Variants in PEX26 observed in about 807,000 individuals in gnomAD.
The protein encoded by PEX26 is peroxisome assembly protein 26.
In PEX26, 18 loss-of-function variants were observed where a neutral mutation model predicts 31.4. The observed-to-expected ratio is 0.57, with a 90% CI of 0.40 to 0.85. PEX26 has a LOEUF of 0.85. Ranked by LOEUF, PEX26 falls within the 40% of genes least tolerant of loss-of-function variation. The probability of loss-of-function intolerance (pLI) is 0.00; values close to 1 mark genes in which losing one functional copy is unlikely to be tolerated. For synonymous variants in PEX26, 176 were observed against 166.9 expected (o/e 1.05, Z -0.42); for missense variants, 377 against 383.9 (o/e 0.98, Z 0.15).
intron 3 of PEX26, among the ~76,000 whole-genome samples, chr22:18,084,569 AC>A (rs1191394906): frequency 6.6e-6 from 1 of 151,908 alleles, no homozygotes; most frequent in Non-Finnish European, 1.5e-5. Flanking sequence ...GTTTTAAAAA[AC>A]TTTTACAAAG....
chr22:18,078,939 C>G, intron 1 of PEX26: 1 of 453,762 alleles, frequency 2.2e-6, no homozygotes, highest in Non-Finnish European at 4.2e-6. Context: ...CTCCGCCCTC[C>G]CCGCCCCGCC....
At position 18,078,338 on chromosome 22, in the gene PEX26, C is replaced by G; in HGVS notation, c.-39C>G. On this transcript the variant is annotated 5_prime_UTR_variant, in exon 1 of 5. Transcript: ENST00000399744. ...CGGAGCCTCTGGGGAGGCGGTCACT[C>G]CGACGTCTGAGGACCTGGGCCTTGG... 1 of 1,473,960 alleles carries G rather than the reference C, an allele frequency of 6.8e-7. No individual in the cohort carries two copies. The highest frequency in any genetic ancestry group is 1.4e-5 in the African/African-American group (1 of 72,440). 91.3% of individuals were successfully genotyped at this position (1,473,960 alleles called of 1,614,324 possible).
Position 18,083,146 on chromosome 22 carries a change from G to A in PEX26, c.372-291G>A, listed in dbSNP as rs117458300. Among the ~76,000 whole-genome samples the A allele has an allele frequency of 2.5e-4, 38 of 152,196 alleles. No homozygotes were observed. In the East Asian group the frequency reaches 6.2e-3, roughly 25 times the overall value. ...TACCTTTTATTTCTTTCTGTTGCCC[G>A]ATTGCTCTGGCTATGACCTCCAGTA... On this transcript the variant is annotated intron_variant, in intron 2 of 4. Transcript: ENST00000399744.
intron 4 of PEX26, among the ~76,000 whole-genome samples, chr22:18,086,143 C>T (rs941217656): frequency 1.3e-5 from 2 of 150,902 alleles, no homozygotes; most frequent in Non-Finnish European, 3.0e-5. Flanking sequence ...ACTAAAAATA[C>T]AAAAATTAGC....
chr22:18,078,411 T>A lies in PEX26; in HGVS notation c.35T>A (p.Leu12His), dbSNP rs1476091565. The stretch of plus-strand genomic sequence containing the variant: ...GATTCTTCGACCTCTGCAGCCCCCC[T>A]CAGGGGGCTCGGGGGACCCCTGCGC... Reference protein sequence around the residue: ...KSDSSTSAAPLRGLGGPLRSS... With the variant: ...KSDSSTSAAPHRGLGGPLRSS... Residue 12 changes from leucine (L) to histidine (H), a missense_variant, in exon 1 of 5, where the codon CTC becomes CAC. Transcript: ENST00000399744. The A allele has an allele frequency of 1.7e-5, 27 of 1,594,310 alleles. No homozygotes were observed. The highest frequency in any genetic ancestry group is 2.3e-5 in the Non-Finnish European group (27 of 1,173,124).
At chr22:18,081,060 C>T (rs1467306349) in intron 2 of PEX26, among the ~76,000 whole-genome samples, 4 of 150,734 alleles carry the variant, frequency 2.7e-5, no homozygotes, top group Non-Finnish European at 5.9e-5. Flanking sequence ...CTGTGCCTGG[C>T]TTATTTCACT....
At chr22:18,082,784 C>T (rs527627197) in intron 2 of PEX26, among the ~76,000 whole-genome samples, 9 of 152,144 alleles carry the variant, frequency 5.9e-5, no homozygotes, top group Non-Finnish European at 1.0e-4. Context: ...CTGTAAATTG[C>T]TTTGGGTATT....
At position 18,079,966 on chromosome 22, in the gene PEX26, A is replaced by G; in HGVS notation, c.323A>G (p.Gln108Arg). Residue 108 changes from glutamine (Q) to arginine (R), a missense_variant, in exon 2 of 5, where the codon CAG (glutamine) becomes CGG (arginine). Coordinates refer to ENST00000399744, the MANE Select transcript of PEX26 (RefSeq NM_001127649.3). Reference protein sequence around the residue: ...RWQEVLSWVLQYYQVPEKLPP... With the variant: ...RWQEVLSWVLRYYQVPEKLPP... ...CAAGAAGTCCTCTCCTGGGTCCTTCAGTATTACCAGGTCCCTGAAAAGCTA... is the reference window on the plus strand; with the variant it reads ...CAAGAAGTCCTCTCCTGGGTCCTTCGGTATTACCAGGTCCCTGAAAAGCTA... 6.2e-7 allele frequency: 1 copy of G among 1,614,120 alleles called. No homozygotes were observed. Among genetic ancestry groups the G allele is most frequent in the African/African-American group, 1.3e-5 (1 of 75,046 alleles).
At position 18,095,788 on chromosome 22, in the gene PEX26, T is replaced by G. The variant is rs1382892343; in HGVS notation, c.*7713T>G. On this transcript the variant is annotated 3_prime_UTR_variant, in exon 5 of 5. Coordinates refer to ENST00000399744, the MANE Select transcript of PEX26 (RefSeq NM_001127649.3). ...AATGAGAGACATCATGGGATTGTGG[T>G]TAAGAGTGTGGGTCCCAGACCCATA... 2 of 150,558 alleles carry G rather than the reference T, an allele frequency of 1.3e-5. No individual in the cohort carries two copies. The highest frequency in any genetic ancestry group is 4.9e-5 in the African/African-American group (2 of 40,770). 9.3% of individuals were successfully genotyped at this position (150,558 alleles called of 1,614,324 possible).
intron 4 of PEX26, 104 bp from the exon 5 acceptor site, chr22:18,087,868 A>G (rs1926905893): frequency 7.3e-6 from 6 of 821,536 alleles, no homozygotes; most frequent in Non-Finnish European, 1.3e-5. Flanking sequence ...AACAAAACAA[A>G]ACCAACTATG....
At position 18,080,024 on chromosome 22, in the gene PEX26, C is replaced by G. The variant is rs747496302; in HGVS notation, c.371+10C>G. On this transcript the variant is annotated intron_variant, in intron 2 of 4. Coordinates refer to ENST00000399744, the MANE Select transcript of PEX26 (RefSeq NM_001127649.3). ...AAGTCCTGGAGCTGTGGTAAGTCTT[C>G]TTTGCTGACTCATCAGATCGGTTCA... 1 of 1,614,016 alleles carries G rather than the reference C, an allele frequency of 6.2e-7. No homozygotes were observed. The highest frequency in any genetic ancestry group is 8.5e-7 in the Non-Finnish European group (1 of 1,179,954).
Position 18,093,512 on chromosome 22 carries a change from T to G in PEX26, c.*5437T>G, listed in dbSNP as rs554582722. The stretch of plus-strand genomic sequence containing the variant: ...CAGGAGGCGGAGCTTGCAGTGAGCC[T>G]AGATGGCGCCACTGCACTCCAGCCT... On this transcript the variant is annotated 3_prime_UTR_variant, in exon 5 of 5. Transcript: ENST00000399744. 1.3e-5 allele frequency: 2 copies of G among 149,870 alleles called. No homozygotes were observed. Among genetic ancestry groups the G allele is most frequent in the Non-Finnish European group, 3.0e-5 (2 of 67,780 alleles). The allele number at this position is 149,870 out of a possible 1,614,324, so 9.3% of individuals were successfully genotyped here. A position where few individuals can be genotyped will look rare whatever the true frequency, so the allele number is the denominator to read the frequency against.
At position 18,091,386 on chromosome 22, in the gene PEX26, A is replaced by G. The variant is rs1452731004; in HGVS notation, c.*3311A>G. 6.6e-6 allele frequency: 1 copy of G among 152,338 alleles called. No individual in the cohort carries two copies. Among genetic ancestry groups the G allele is most frequent in the South Asian group, 2.1e-4 (1 of 4,832 alleles). The allele number at this position is 152,338 out of a possible 1,614,324, so 9.4% of individuals were successfully genotyped here. On this transcript the variant is annotated 3_prime_UTR_variant, in exon 5 of 5. Coordinates refer to ENST00000399744, the MANE Select transcript of PEX26 (RefSeq NM_001127649.3). ...GGTGGCGCATGCCTGTAATCCCAGC[A>G]CTTTGGGAGGCCAAGGTGGGTGAAT...
At chr22:18,083,849 T>C in intron 3 of PEX26, 117 bp downstream of exon 3, 1 of 939,546 alleles carries the variant, frequency 1.1e-6, no homozygotes, top group Admixed American at 2.0e-5. Context: ...TGAATAACTC[T>C]TGAGTCACAG....
chr22:18,100,702 C>T lies in PEX26; in HGVS notation c.*12627C>T, dbSNP rs976578691. ...TAATATTCTACCAATGGTATTAATT[C>T]AAAGCAGGTAGATGACCAGCGATGC... On this transcript the variant is annotated 3_prime_UTR_variant, in exon 5 of 5. Transcript: ENST00000399744. 1.3e-5 allele frequency: 2 copies of T among 152,172 alleles called. No homozygotes were observed. Among genetic ancestry groups the T allele is most frequent in the African/African-American group, 4.8e-5 (2 of 41,420 alleles). 9.4% of individuals were successfully genotyped at this position (152,172 alleles called of 1,614,324 possible).
chr22:18,095,538 A>G lies in PEX26; in HGVS notation c.*7463A>G, dbSNP rs574782123. ...CGGCGGGCACCCCCTGCTCTGGAAC[A>G]TTCTGGGAATGCTTCCCACTCCCCT... is the stretch of plus-strand genomic sequence containing the variant. On this transcript the variant is annotated 3_prime_UTR_variant, in exon 5 of 5. Transcript: ENST00000399744. The G allele has an allele frequency of 1.3e-5, 2 of 152,042 alleles. No individual in the cohort carries two copies. The highest frequency in any genetic ancestry group is 2.9e-5 in the Non-Finnish European group (2 of 68,020). 9.4% of individuals were successfully genotyped at this position (152,042 alleles called of 1,614,324 possible). A position where few individuals can be genotyped will look rare whatever the true frequency, so the allele number is the denominator to read the frequency against.
chr22:18,088,571 G>A lies in PEX26; in HGVS notation c.*496G>A. ...AGGTGGGTGGATCACTTGTGGCCAG[G>A]AGTTCAAAACCTGCCTGGCCAACAT... On this transcript the variant is annotated 3_prime_UTR_variant, in exon 5 of 5. Transcript: ENST00000399744. The surrounding 1 kb of genome is among the most constrained non-coding windows in gnomAD (Gnocchi z 4.1). 4.3e-6 allele frequency: 1 copy of A among 233,508 alleles called. No individual in the cohort carries two copies. 14.5% of individuals were successfully genotyped at this position (233,508 alleles called of 1,614,324 possible). A position where few individuals can be genotyped will look rare whatever the true frequency, so the allele number is the denominator to read the frequency against.
At chr22:18,085,090 T>C (rs774339902) in intron 3 of PEX26, 22 bp from the exon 4 acceptor site, 2 of 1,613,710 alleles carry the variant, frequency 1.2e-6, no homozygotes, top group Non-Finnish European at 8.5e-7. Flanking sequence ...TCCCTGAAGC[T>C]GTGCTCTGTC....
Position 18,083,543 on chromosome 22 carries a change from G to T in PEX26, c.478G>T (p.Ala160Ser), listed in dbSNP as rs1238420084. The change falls in exon 3 of 5, where the codon GCA becomes TCA. Residue 160 changes from alanine (A) to serine (S), a missense_variant. Coordinates refer to ENST00000399744, the MANE Select transcript of PEX26 (RefSeq NM_001127649.3). ...NQNLPEYGAL[A>S]EFHVQRVLLP... ...AAACCTTCCAGAATATGGAGCCTTG[G>T]CAGAATTTCACGTGCAGCGGGTGCT... is the stretch of plus-strand genomic sequence containing the variant. 2 of 1,614,096 alleles carry T rather than the reference G, an allele frequency of 1.2e-6. No individual in the cohort carries two copies. The highest frequency in any genetic ancestry group is 3.3e-5 in the Admixed American group (2 of 60,014).
Sources: allele counts gnomAD v4.1 joint callset (sites outside exome capture counted in the v4.1 genomes callset), GRCh38; gene constraint gnomAD v4.1.1; non-coding constraint Gnocchi (gnomAD v3.1); transcripts MANE v1.5; gene names NCBI Gene and HGNC (gene_info 2026-07-23, HGNC 2026-07-21).